The following TYW3 variants were observed in gnomAD, a reference collection of about 807,000 sequenced individuals.
The protein encoded by TYW3 is tRNA wybutosine-synthesizing protein 3 homolog.
A neutral mutation model predicts 23.1 loss-of-function variants in TYW3; 26 were observed. The observed-to-expected ratio is 1.13, with a 90% CI of 0.83 to 1.56. The LOEUF (loss-of-function observed/expected upper bound fraction) is 1.56, where lower values mean the gene tolerates loss of function less well. Ranked by LOEUF, TYW3 falls within the 40% of genes most tolerant of loss-of-function variation. TYW3 has a pLI of 0.00. For synonymous variants in TYW3, 102 were observed against 105.7 expected, an observed-to-expected ratio of 0.97 and a Z score of 0.21; for missense variants, 316 against 311.9, an observed-to-expected ratio of 1.01 and a Z score of -0.10.
intron 5 of TYW3, among the ~76,000 whole-genome samples, chr1:74,760,002 C>A (rs1426522985): frequency 6.6e-6 from 1 of 152,094 alleles, no homozygotes; most frequent in Non-Finnish European, 1.5e-5. Flanking sequence ...TGACTGGAAG[C>A]ATTATTCATA....
At chr1:74,758,724 T>C (rs1276663981) in intron 5 of TYW3, among the ~76,000 whole-genome samples, 2 of 152,192 alleles carry the variant, frequency 1.3e-5, no homozygotes, top group Non-Finnish European at 2.9e-5. Flanking sequence ...CATTTACCAG[T>C]GCAAAACAGG....
intron 5 of TYW3, among the ~76,000 whole-genome samples, chr1:74,759,521 T>TA (rs1649064458): frequency 6.6e-6 from 1 of 152,158 alleles, no homozygotes. Flanking sequence ...GGTCAAGTCT[T>TA]ACCATTTCTA....
At position 74,738,763 on chromosome 1, in the gene TYW3, G is replaced by A. The variant is rs11538281; in HGVS notation, c.329G>A (p.Arg110Gln). The A allele has an allele frequency of 5.6e-3, 9,028 of 1,610,508 alleles. 442 individuals are homozygous for A. The African/African-American group carries it at 0.11, about 19-fold the overall frequency. Residue 110 changes from arginine to glutamine, a missense_variant, in exon 3 of 6, where the codon CGA becomes CAA. By Grantham distance (43) the Arg-to-Gln change is conservative (BLOSUM62 1). Transcript: ENST00000370867. ...FEPFVLHVQC[R>Q]QLQDAQILHS... Reference sequence around the variant, plus strand: ...CCATTTGTTCTTCATGTGCAGTGTCGACAATTGCAGGATGCACAGATTCTG... The same window carrying A: ...CCATTTGTTCTTCATGTGCAGTGTCAACAATTGCAGGATGCACAGATTCTG...
chr1:74,736,484 G>A, intron 1 of TYW3, 58 bp from the exon 2 acceptor site: 2 of 1,295,120 alleles, frequency 1.5e-6, no homozygotes, highest in African/African-American at 1.5e-5. Flanking sequence ...TATGCATTAT[G>A]CTTATTATTT....
chr1:74,748,518 C>G (rs1202258287), intron 3 of TYW3: 1 of 446,186 alleles, frequency 2.2e-6, no homozygotes, highest in Non-Finnish European at 3.9e-6. Flanking sequence ...TGATTGAATT[C>G]TACTTTTACT....
intron 5 of TYW3, among the ~76,000 whole-genome samples, chr1:74,763,387 A>C (rs1246172913): frequency 6.6e-6 from 1 of 152,140 alleles, no homozygotes; most frequent in African/African-American, 2.4e-5. Flanking sequence ...ACTCTCAATA[A>C]ATAATAACTT....
intron 1 of TYW3, 43 bp downstream of exon 1, chr1:74,733,461 G>T: frequency 1.2e-6 from 2 of 1,606,696 alleles, no homozygotes; most frequent in Non-Finnish European, 1.7e-6. Context: ...CTTCTAGTGC[G>T]AAACTTCAGG....
intron 3 of TYW3, chr1:74,748,535 C>A: frequency 2.0e-6 from 1 of 488,264 alleles, no homozygotes; most frequent in East Asian, 3.7e-5. Flanking sequence ...TACTCTTTCT[C>A]AATGACACAT....
At chr1:74,742,951 A>G (rs1570057787) in intron 3 of TYW3, among the ~76,000 whole-genome samples, 1 of 152,176 alleles carries the variant, frequency 6.6e-6, no homozygotes, top group African/African-American at 2.4e-5. Context: ...GAGGAAGTCA[A>G]TTTCCTGGCC....
chr1:74,742,766 T>C (rs767440522), intron 3 of TYW3, among the ~76,000 whole-genome samples: 10 of 152,180 alleles, frequency 6.6e-5, no homozygotes, highest in Non-Finnish European at 1.2e-4. Flanking sequence ...AGCATGGGCA[T>C]GTAGGATTAG....
chr1:74,738,830 G>A, intron 3 of TYW3, 42 bp downstream of exon 3: 1 of 1,479,364 alleles, frequency 6.8e-7, no homozygotes, highest in Non-Finnish European at 9.4e-7. Context: ...ATAGATATGT[G>A]GGTAGATGTA....
intron 1 of TYW3, 59 bp downstream of exon 1, chr1:74,733,477 T>C: frequency 3.1e-6 from 5 of 1,591,016 alleles, no homozygotes; most frequent in Non-Finnish European, 4.3e-6. Flanking sequence ...TCAGGAGCCC[T>C]GTTCCCATCC....
rs1337349460 is a variant in TYW3 at position 74,765,786 on chromosome 1, AC to A, written c.*1674del. 3 of 152,132 alleles carry A rather than the reference AC, an allele frequency of 2.0e-5. No individual in the cohort carries two copies. Among genetic ancestry groups the A allele is most frequent in the Non-Finnish European group, 4.4e-5 (3 of 68,030 alleles). The allele number at this position is 152,132 out of a possible 1,614,324, so 9.4% of individuals were successfully genotyped here. A position where few individuals can be genotyped will look rare whatever the true frequency, so the allele number is the denominator to read the frequency against. Reference sequence around the variant, plus strand: ...TTCATTTAAATTGATCTCCAAGAAAACTATGTATTTTAAAGATTCCATAAAC... The same window carrying A: ...TTCATTTAAATTGATCTCCAAGAAAATATGTATTTTAAAGATTCCATAAAC... On this transcript the variant is annotated 3_prime_UTR_variant, in exon 6 of 6. Transcript: ENST00000370867.
At position 74,752,105 on chromosome 1, in the gene TYW3, AT is replaced by A. The variant is rs1312063895; in HGVS notation, c.427-186del. The stretch of plus-strand genomic sequence containing the variant: ...CTTTCTTTAGAAATGACTGTAGATG[AT>A]GGAAAAAATTTTATTTAATCTCCTT... On this transcript the variant is annotated intron_variant, in intron 4 of 5. Coordinates refer to ENST00000370867, the MANE Select transcript of TYW3 (RefSeq NM_138467.3). 2.6e-5 allele frequency among the ~76,000 whole-genome samples: 4 copies of A among 152,240 alleles called. No individual in the cohort carries two copies. The East Asian group carries it at 7.7e-4, about 29-fold the overall frequency.
At position 74,738,693 on chromosome 1, in the gene TYW3, G is replaced by T. The variant is rs1300038650; in HGVS notation, c.259G>T (p.Val87Leu). 1.2e-6 allele frequency: 2 copies of T among 1,602,772 alleles called. No individual in the cohort carries two copies. Among genetic ancestry groups the T allele is most frequent in the South Asian group, 2.2e-5 (2 of 89,688 alleles). ...ATACCACTGTTCATTTATTTAGATT[G>T]TAGCTCTGAAGAAAGCAAATGGTGA... ...HKLCVKDDVI[V>L]ALKKANGDAT... Residue 87 changes from valine (V) to leucine (L), a missense_variant, in exon 3 of 6, where the codon GTA (valine) becomes TTA (leucine). Transcript: ENST00000370867.
rs1319036887 is a variant in TYW3 at position 74,762,074 on chromosome 1, C to T, written c.561-1820C>T. Among the ~76,000 whole-genome samples the T allele has an allele frequency of 2.0e-5, 3 of 152,026 alleles. No individual in the cohort carries two copies. In the East Asian group the frequency reaches 5.8e-4, roughly 29 times the overall value. On this transcript the variant is annotated intron_variant, in intron 5 of 5. Coordinates refer to ENST00000370867, the MANE Select transcript of TYW3 (RefSeq NM_138467.3). ...TCTGTGTCTGTTTTTGAGATTAATT[C>T]ATTCATTGATAAAAATATTTATTGA...
chr1:74,737,092 A>C (rs1368772250), intron 2 of TYW3, among the ~76,000 whole-genome samples: 3 of 152,236 alleles, frequency 2.0e-5, no homozygotes, highest in Non-Finnish European at 4.4e-5. Flanking sequence ...ATGAATTCAT[A>C]AGTTTTTATC....
rs1462256389 is a variant in TYW3 at position 74,765,862 on chromosome 1, T to A, written c.*1749T>A. The A allele has an allele frequency of 7.2e-5, 11 of 152,208 alleles. No homozygotes were observed. Among genetic ancestry groups the A allele is most frequent in the African/African-American group, 2.4e-4 (10 of 41,536 alleles). The allele number at this position is 152,208 out of a possible 1,614,324, so 9.4% of individuals were successfully genotyped here. A position where few individuals can be genotyped will look rare whatever the true frequency, so the allele number is the denominator to read the frequency against. ...AGAGAGGGGCTGCTTCCTAATCTGTTTATATAAGGTATAGTATAGTATAAT... is the reference window on the plus strand; with the variant it reads ...AGAGAGGGGCTGCTTCCTAATCTGTATATATAAGGTATAGTATAGTATAAT... On this transcript the variant is annotated 3_prime_UTR_variant, in exon 6 of 6. Coordinates refer to ENST00000370867, the MANE Select transcript of TYW3 (RefSeq NM_138467.3).
intron 5 of TYW3, among the ~76,000 whole-genome samples, chr1:74,761,508 ACCTAAG>A (rs966157408): frequency 6.6e-6 from 1 of 152,048 alleles, no homozygotes; most frequent in Non-Finnish European, 1.5e-5. Context: ...ACACTCAGTT[ACCTAAG>A]CCTAAAGTGC....
Sources: gnomAD v4.1 joint callset for allele counts (sites outside exome capture counted in the v4.1 genomes callset) on GRCh38, gnomAD v4.1.1 for gene constraint, MANE v1.5 for transcripts, NCBI Gene and HGNC (gene_info 2026-07-23, HGNC 2026-07-21) for gene names.